The following CNTN5 variants were observed in gnomAD, a reference collection of about 807,000 sequenced individuals.
CNTN5 encodes the protein contactin-5.
CNTN5 carries 77 observed loss-of-function variants against 129.1 expected under a neutral mutation model. That is an observed-to-expected ratio of 0.60 (90% CI 0.50 to 0.72). CNTN5 has a LOEUF of 0.72. CNTN5 is among the 30% of genes least tolerant of loss of function. CNTN5 has a pLI of 0.00. For missense variants in CNTN5, 1,478 were observed against 1,328.8 expected, an observed-to-expected ratio of 1.11 and a Z score of -1.75; for synonymous variants, 509 against 465.6, an observed-to-expected ratio of 1.09 and a Z score of -1.20.
At chr11:99,667,820 T>C (rs1173553247) in intron 3 of CNTN5, among the ~76,000 whole-genome samples, 1 of 151,900 alleles carries the variant, frequency 6.6e-6, no homozygotes, top group African/African-American at 2.4e-5. Context: ...GGGAAGGAAC[T>C]TAGAGGATGG....
chr11:99,833,863 G>C lies in CNTN5; in HGVS notation c.278-10989G>C, dbSNP rs1213097692. 2.6e-5 allele frequency among the ~76,000 whole-genome samples: 4 copies of C among 152,228 alleles called. No individual in the cohort carries two copies. The South Asian group carries it at 8.3e-4, about 32-fold the overall frequency. ...TCTAGCTCAGTGATTCCCAGTTGCT[G>C]TGTCGCTTCCTTCTTCGTGTTTCAG... On this transcript the variant is annotated intron_variant, in intron 4 of 24. Coordinates refer to ENST00000524871, the MANE Select transcript of CNTN5 (RefSeq NM_014361.4).
intron 1 of CNTN5, among the ~76,000 whole-genome samples, chr11:99,305,805 A>C (rs570719078): frequency 6.6e-6 from 1 of 151,508 alleles, no homozygotes; most frequent in South Asian, 2.1e-4. Context: ...ACAAGGTGAA[A>C]CCCCATCTCT....
intron 1 of CNTN5, among the ~76,000 whole-genome samples, chr11:99,136,997 A>G (rs1399571622): frequency 6.6e-6 from 1 of 152,170 alleles, no homozygotes; most frequent in African/African-American, 2.4e-5. Flanking sequence ...CACATATTGA[A>G]CAAGCAATAT....
chr11:99,347,664 G>A (rs1937991369), intron 2 of CNTN5, among the ~76,000 whole-genome samples: 1 of 152,112 alleles, frequency 6.6e-6, no homozygotes, highest in Non-Finnish European at 1.5e-5. Flanking sequence ...TAACAAGGGT[G>A]CACAGTGTGT....
intron 6 of CNTN5, among the ~76,000 whole-genome samples, chr11:99,876,388 G>A (rs1948633457): frequency 6.6e-6 from 1 of 152,108 alleles, no homozygotes. Flanking sequence ...CTTGATCCCA[G>A]GCTCCCCTCA....
intron 6 of CNTN5, among the ~76,000 whole-genome samples, chr11:99,907,311 G>A (rs1450539628): frequency 1.3e-5 from 2 of 151,992 alleles, no homozygotes; most frequent in African/African-American, 4.8e-5. Flanking sequence ...GAGTATCCTT[G>A]AATTCATACA....
At chr11:99,786,670 G>A (rs760315251) in intron 3 of CNTN5, among the ~76,000 whole-genome samples, 2 of 152,050 alleles carry the variant, frequency 1.3e-5, no homozygotes, top group Non-Finnish European at 2.9e-5. Flanking sequence ...TAGACCAATG[G>A]AACAGAACAG....
intron 1 of CNTN5, among the ~76,000 whole-genome samples, chr11:99,250,570 T>C (rs948630054): frequency 6.6e-6 from 1 of 151,928 alleles, no homozygotes; most frequent in Non-Finnish European, 1.5e-5. Flanking sequence ...TATTTTAAAT[T>C]CATGCTGAAT....
intron 13 of CNTN5, among the ~76,000 whole-genome samples, chr11:100,180,954 T>TGA (rs1948121893): frequency 6.6e-6 from 1 of 152,010 alleles, no homozygotes; most frequent in East Asian, 1.9e-4. Context: ...ATTGCTGGTA[T>TGA]GAATGTTAAA....
At chr11:100,115,623 G>T (rs1945817695) in intron 13 of CNTN5, among the ~76,000 whole-genome samples, 1 of 151,906 alleles carries the variant, frequency 6.6e-6, no homozygotes, top group South Asian at 2.1e-4. Context: ...TCCCAGAAGT[G>T]CCCCAAACCT....
chr11:99,544,306 T>C (rs1226701845), intron 2 of CNTN5, among the ~76,000 whole-genome samples: 1 of 152,174 alleles, frequency 6.6e-6, no homozygotes, highest in Non-Finnish European at 1.5e-5. Context: ...ACACTGCGAA[T>C]TACAACTCAA....
intron 4 of CNTN5, among the ~76,000 whole-genome samples, chr11:99,828,344 T>C (rs1189875944): frequency 6.6e-6 from 1 of 152,204 alleles, no homozygotes; most frequent in Non-Finnish European, 1.5e-5. Flanking sequence ...TGAACAGAAA[T>C]GTGTTGGCTC....
At position 100,326,352 on chromosome 11, in the gene CNTN5, GA is replaced by G. The variant is rs140303669; in HGVS notation, c.2731-14105del. On this transcript the variant is annotated intron_variant, in intron 21 of 24. Coordinates refer to ENST00000524871, the MANE Select transcript of CNTN5 (RefSeq NM_014361.4). Reference sequence around the variant, plus strand: ...AAAACTCCAAAAACAAAGCAACAAGGAAAAAATTCTGACATTTAAGATAGAG... The same window carrying G: ...AAAACTCCAAAAACAAAGCAACAAGGAAAAATTCTGACATTTAAGATAGAG... Among the ~76,000 whole-genome samples the G allele has an allele frequency of 8.8e-3, 1,332 of 152,070 alleles. 19 individuals are homozygous for G. Among genetic ancestry groups the G allele is most frequent in the African/African-American group, 0.031 (1,279 of 41,490 alleles).
At chr11:99,914,361 T>C (rs1949735301) in intron 6 of CNTN5, among the ~76,000 whole-genome samples, 1 of 152,064 alleles carries the variant, frequency 6.6e-6, no homozygotes, top group African/African-American at 2.4e-5. Flanking sequence ...AGATCATTTT[T>C]TGGAAAAAAA....
At chr11:99,659,961 T>C (rs1310446867) in intron 3 of CNTN5, among the ~76,000 whole-genome samples, 1 of 152,078 alleles carries the variant, frequency 6.6e-6, no homozygotes, top group Non-Finnish European at 1.5e-5. Flanking sequence ...CAGCTGACCT[T>C]TTAGAAAGGT....
intron 3 of CNTN5, among the ~76,000 whole-genome samples, chr11:99,633,288 A>G (rs1951431520): frequency 6.6e-6 from 1 of 152,240 alleles, no homozygotes; most frequent in African/African-American, 2.4e-5. Context: ...ACTGACGCAT[A>G]CAGGCCTTGC....
At chr11:100,030,034 A>G (rs910567943) in intron 9 of CNTN5, among the ~76,000 whole-genome samples, 7 of 152,140 alleles carry the variant, frequency 4.6e-5, no homozygotes, top group African/African-American at 1.7e-4. Context: ...TCTGTGCTCT[A>G]CTTTGAACTG....
At chr11:99,129,146 A>C (rs1858804801) in intron 1 of CNTN5, among the ~76,000 whole-genome samples, 1 of 152,200 alleles carries the variant, frequency 6.6e-6, no homozygotes, top group Non-Finnish European at 1.5e-5. Context: ...GGATAATAAT[A>C]AACTTCGCTG....
At chr11:99,917,940 G>T (rs762006660) in intron 7 of CNTN5, among the ~76,000 whole-genome samples, 2 of 151,994 alleles carry the variant, frequency 1.3e-5, no homozygotes, top group African/African-American at 2.4e-5. Context: ...TTTTACATCC[G>T]AACTCATCTG....
Sources: allele counts gnomAD v4.1 joint callset (sites outside exome capture counted in the v4.1 genomes callset), GRCh38; gene constraint gnomAD v4.1.1; transcripts MANE v1.5; gene names NCBI Gene and HGNC (gene_info 2026-07-23, HGNC 2026-07-21).